TMC7: variants seen among roughly 807,000 people sequenced by gnomAD.
The protein encoded by TMC7 is transmembrane channel like 7, also known as transmembrane channel-like protein 7.
TMC7 carries 54 observed loss-of-function variants against 82.9 expected under a neutral mutation model. The ratio of observed to expected loss-of-function variants is 0.65; its 90% CI spans 0.52 to 0.82. The LOEUF (loss-of-function observed/expected upper bound fraction) is 0.82. Among genes scored for constraint, TMC7 ranks in the 40% least tolerant of loss-of-function variants. TMC7 has a pLI of 0.00. For missense variants in TMC7, 820 were observed against 901.2 expected (o/e 0.91, Z 1.15); for synonymous variants, 350 against 337.9 (o/e 1.04, Z -0.39).
In TMC7 at chr16:19,062,997, C is replaced by T. The variant is rs1472013975; in HGVS notation, c.*1154C>T. 2 of 152,210 alleles carry T rather than the reference C, an allele frequency of 1.3e-5. No individual in the cohort carries two copies. Among genetic ancestry groups the T allele is most frequent in the Admixed American group, 6.6e-5 (1 of 15,254 alleles). 9.4% of individuals were successfully genotyped at this position (152,210 alleles called of 1,614,324 possible). A position where few individuals can be genotyped will look rare whatever the true frequency, so the allele number is the denominator to read the frequency against. On this transcript the variant is annotated 3_prime_UTR_variant, in exon 16 of 16. Transcript: ENST00000304381. ...CTACTCAAAAATGCCTGAATCCTTG[C>T]TCAGAGGAGCAAAGGTATCTTCTCG...
At position 18,995,054 on chromosome 16, in the gene TMC7, C is replaced by T. The variant is rs191581492; in HGVS notation, c.67+10924C>T. Reference sequence around the variant, plus strand: ...GGGAAAAGGCGGCAATGAGGTGTGGCTGTAGCCCAGGAATAGTCAGAGAAG... The same window carrying T: ...GGGAAAAGGCGGCAATGAGGTGTGGTTGTAGCCCAGGAATAGTCAGAGAAG... On this transcript the variant is annotated intron_variant, in intron 1 of 15. Coordinates refer to ENST00000304381, the MANE Select transcript of TMC7 (RefSeq NM_024847.4). Among the ~76,000 whole-genome samples the T allele has an allele frequency of 2.6e-3, 396 of 152,136 alleles. 1 individual carries two copies. The highest frequency in any genetic ancestry group is 3.9e-3 in the Non-Finnish European group (267 of 68,004).
chr16:19,052,200 C>T (rs976238257), intron 13 of TMC7, among the ~76,000 whole-genome samples: 7 of 152,142 alleles, frequency 4.6e-5, no homozygotes, highest in South Asian at 2.1e-4. Flanking sequence ...CCAAAGTACT[C>T]GGATTACAGG....
chr16:19,013,527 A>AT (rs1029801271), intron 2 of TMC7, among the ~76,000 whole-genome samples: 3 of 146,654 alleles, frequency 2.0e-5, no homozygotes, highest in Non-Finnish European at 3.0e-5. Flanking sequence ...TATTTTATTT[A>AT]TTTTTTTTGA....
At chr16:18,985,558 C>G (rs553447781) in intron 1 of TMC7, among the ~76,000 whole-genome samples, 10 of 152,216 alleles carry the variant, frequency 6.6e-5, no homozygotes, top group Admixed American at 1.3e-4. Context: ...TGTCAAGTTC[C>G]TCATTTCCCA....
intron 1 of TMC7, among the ~76,000 whole-genome samples, chr16:18,988,585 C>G (rs1439775780): frequency 2.0e-5 from 3 of 152,088 alleles, no homozygotes; most frequent in African/African-American, 7.2e-5. Flanking sequence ...GCCACCATAC[C>G]CAGCCCAATT....
At chr16:19,028,999 TTTTA>T (rs544120946) in intron 5 of TMC7, among the ~76,000 whole-genome samples, 2 of 149,504 alleles carry the variant, frequency 1.3e-5, no homozygotes, top group African/African-American at 2.5e-5. Flanking sequence ...TTTTATTTTA[TTTTA>T]TTTATTTATT....
At chr16:19,023,390 G>A (rs1302848860) in intron 5 of TMC7, among the ~76,000 whole-genome samples, 195 bp downstream of exon 5, 1 of 152,096 alleles carries the variant, frequency 6.6e-6, no homozygotes, top group Non-Finnish European at 1.5e-5. Context: ...TAGAATGTCA[G>A]GAAATATGCT....
At chr16:19,050,577 C>T (rs2142300653) in intron 12 of TMC7, among the ~76,000 whole-genome samples, 1 of 152,070 alleles carries the variant, frequency 6.6e-6, no homozygotes, top group South Asian at 2.1e-4. Context: ...CAGCCTCAAC[C>T]TCCTGGGCTC....
chr16:18,984,215 T>C, intron 1 of TMC7, 85 bp downstream of exon 1: 1 of 1,380,950 alleles, frequency 7.2e-7, no homozygotes, highest in Non-Finnish European at 9.3e-7. Context: ...AGGCTCGGCC[T>C]GGCCGCTGTT....
At chr16:18,995,689 C>T (rs1056672501) in intron 1 of TMC7, among the ~76,000 whole-genome samples, 3 of 152,168 alleles carry the variant, frequency 2.0e-5, no homozygotes, top group Non-Finnish European at 4.4e-5. Context: ...TGGGGTTTCT[C>T]TCACAGTGGA....
chr16:19,041,329 T>A (rs1217665804), intron 9 of TMC7, among the ~76,000 whole-genome samples: 7 of 152,080 alleles, frequency 4.6e-5, no homozygotes, highest in Admixed American at 4.6e-4. Flanking sequence ...TTTAAGCAAA[T>A]CTCAGGCAAC....
At chr16:19,034,327 G>A (rs892983666) in intron 6 of TMC7, among the ~76,000 whole-genome samples, 2 of 152,134 alleles carry the variant, frequency 1.3e-5, no homozygotes, top group African/African-American at 4.8e-5. Flanking sequence ...GGCTAGGTGC[G>A]GTGGCTCATG....
intron 13 of TMC7, among the ~76,000 whole-genome samples, 183 bp from the exon 14 acceptor site, chr16:19,056,359 G>A (rs545617253): frequency 6.6e-6 from 1 of 152,184 alleles, no homozygotes; most frequent in South Asian, 2.1e-4. Context: ...GTGCTGGGAT[G>A]ACATTCGTGA....
chr16:19,000,343 T>C (rs879860449), intron 1 of TMC7, among the ~76,000 whole-genome samples: 28 of 152,200 alleles, frequency 1.8e-4, no homozygotes, highest in Non-Finnish European at 3.4e-4. Context: ...GGTACACGCC[T>C]GTAATCCCAG....
intron 1 of TMC7, among the ~76,000 whole-genome samples, chr16:19,002,262 G>C (rs1032140560): frequency 7.4e-6 from 1 of 135,438 alleles, no homozygotes; most frequent in African/African-American, 2.8e-5. Flanking sequence ...TTAAGATGGA[G>C]TTTTGCTGTT....
intron 1 of TMC7, among the ~76,000 whole-genome samples, chr16:19,002,323 G>A (rs767628469): frequency 2.1e-5 from 3 of 140,736 alleles, no homozygotes; most frequent in Non-Finnish European, 4.6e-5. Flanking sequence ...TGCAACCCCC[G>A]CCTCCTGGGT....
intron 14 of TMC7, 24 bp from the exon 15 acceptor site, chr16:19,059,391 GT>G: frequency 1.9e-6 from 3 of 1,609,074 alleles, no homozygotes. Flanking sequence ...AGACTCCCTT[GT>G]GACCTGTCTG....
chr16:19,033,925 T>A (rs1028228813), intron 6 of TMC7: 2 of 152,220 alleles, frequency 1.3e-5, no homozygotes, highest in Non-Finnish European at 2.9e-5. Flanking sequence ...AACAATTCCT[T>A]CCATTTCTAT....
chr16:19,042,418 T>C lies in TMC7; in HGVS notation c.1337+1972T>C, dbSNP rs558829411. Reference sequence around the variant, plus strand: ...TCAAACTCCTGGGCTCAAGCAATTCTCCCACCTCAGCCTCCCAAAGTGTTG... The same window carrying C: ...TCAAACTCCTGGGCTCAAGCAATTCCCCCACCTCAGCCTCCCAAAGTGTTG... On this transcript the variant is annotated intron_variant, in intron 9 of 15. Coordinates refer to ENST00000304381, the MANE Select transcript of TMC7 (RefSeq NM_024847.4). Among the ~76,000 whole-genome samples the C allele has an allele frequency of 2.6e-5, 4 of 151,896 alleles. No homozygotes were observed. In the East Asian group the frequency reaches 7.7e-4, roughly 29 times the overall value.
Sources: gnomAD v4.1 joint callset for allele counts (sites outside exome capture counted in the v4.1 genomes callset) on GRCh38, gnomAD v4.1.1 for gene constraint, MANE v1.5 for transcripts, NCBI Gene and HGNC (gene_info 2026-07-23, HGNC 2026-07-21) for gene names.